The following MYH11 variants were observed in gnomAD, a reference collection of about 807,000 sequenced individuals.
MYH11 encodes the protein myosin-11.
In MYH11, 80 loss-of-function variants were observed where a neutral mutation model predicts 246.6. The ratio of observed to expected loss-of-function variants is 0.32; its 90% CI spans 0.27 to 0.39. MYH11 has a LOEUF of 0.39. MYH11 is among the 10% of genes least tolerant of loss of function. MYH11 has a pLI of 1.00. For synonymous variants in MYH11, 1,071 were observed against 1,015.5 expected, an observed-to-expected ratio of 1.05 and a Z score of -1.04; for missense variants, 2,158 against 2,546.8, an observed-to-expected ratio of 0.85 and a Z score of 3.29.
At chr16:15,786,872 G>A in intron 4 of MYH11, 140 bp from the exon 5 acceptor site, 1 of 824,280 alleles carries the variant, frequency 1.2e-6, no homozygotes, top group Non-Finnish European at 2.1e-6. Context: ...GAAGTAACTT[G>A]CCCAAGGCCA....
rs569200538 is a variant in MYH11, at chr16:15,759,000, T to G, written c.1401+576A>C. 5.2e-4 allele frequency among the ~76,000 whole-genome samples: 79 copies of G among 151,144 alleles called. 1 individual carries two copies. The South Asian group carries it at 0.012, about 23-fold the overall frequency. ...AACAAGACAAGACAAAAAAAAAACC[T>G]TCCCTTTCTCTGAGAACTTTCTTCA... is the stretch of plus-strand genomic sequence containing the variant. On this transcript the variant is annotated intron_variant, in intron 12 of 40. Transcript: ENST00000300036.
At chr16:15,851,203 A>T (rs2044320078) in intron 1 of MYH11, among the ~76,000 whole-genome samples, 1 of 152,170 alleles carries the variant, frequency 6.6e-6, no homozygotes, top group Non-Finnish European at 1.5e-5. Flanking sequence ...GTAGGGAGGC[A>T]TCAAATGTGT....
intron 34 of MYH11, 105 bp downstream of exon 34, chr16:15,720,046 G>A: frequency 6.9e-7 from 1 of 1,453,392 alleles, no homozygotes. Flanking sequence ...CCACACCAAT[G>A]GCAGGTGCAG....
intron 3 of MYH11, among the ~76,000 whole-genome samples, chr16:15,799,959 G>A (rs1398952433): frequency 6.6e-6 from 1 of 151,734 alleles, no homozygotes; most frequent in African/African-American, 2.4e-5. Flanking sequence ...TGGACGGAAG[G>A]AAGGAAGAAA....
chr16:15,772,160 C>T (rs1373105602), intron 8 of MYH11, among the ~76,000 whole-genome samples: 1 of 138,522 alleles, frequency 7.2e-6, no homozygotes, highest in African/African-American at 2.7e-5. Flanking sequence ...GGCGCGATCT[C>T]GGCTCACTGC....
At chr16:15,731,829 G>A (rs1313368788) in intron 27 of MYH11, among the ~76,000 whole-genome samples, 3 of 151,834 alleles carry the variant, frequency 2.0e-5, no homozygotes, top group African/African-American at 4.8e-5. Flanking sequence ...TCACTGTGTC[G>A]TCCAGGCTAG....
In MYH11 at chr16:15,714,892, G is replaced by C; in HGVS notation, c.5786+17C>G. ...TGGCCTGAGAGACGGGGTCCTCCCG[G>C]GCCACGGGCTCCTCACCTGAGCTTG... On this transcript the variant is annotated intron_variant, in intron 40 of 40. Transcript: ENST00000300036. 6.2e-7 allele frequency: 1 copy of C among 1,612,776 alleles called. No individual in the cohort carries two copies. Among genetic ancestry groups the C allele is most frequent in the East Asian group, 2.2e-5 (1 of 44,880 alleles).
intron 2 of MYH11, among the ~76,000 whole-genome samples, chr16:15,834,959 G>T (rs2043853202): frequency 6.8e-6 from 1 of 147,136 alleles, no homozygotes; most frequent in Admixed American, 6.9e-5. Flanking sequence ...GCACACCTGT[G>T]GTCCACAGCT....
intron 40 of MYH11, among the ~76,000 whole-genome samples, chr16:15,712,492 A>G (rs533848995): frequency 8.1e-4 from 123 of 152,248 alleles, no homozygotes; most frequent in Non-Finnish European, 1.3e-3. Context: ...TACTAAAAAT[A>G]TAAAAATAGG....
chr16:15,788,258 T>C (rs1417105751), intron 4 of MYH11, among the ~76,000 whole-genome samples: 2 of 151,806 alleles, frequency 1.3e-5, no homozygotes, highest in East Asian at 3.9e-4. Flanking sequence ...TCTTCTATTT[T>C]TCAGTTTACT....
chr16:15,718,210 C>T lies in MYH11; in HGVS notation c.5295+105G>A, dbSNP rs1596708716. The stretch of plus-strand genomic sequence containing the variant: ...CCCACCACCCTCTTGTCCCTCAATC[C>T]AGGGCCTGCACACAGGAAGCCGCCA... On this transcript the variant is annotated intron_variant, in intron 37 of 40. Transcript: ENST00000300036. 1.6e-5 allele frequency: 25 copies of T among 1,573,458 alleles called. 1 individual carries two copies. Among genetic ancestry groups the T allele is most frequent in the Non-Finnish European group, 2.6e-6 (3 of 1,158,958 alleles).
chr16:15,832,918 C>A, intron 2 of MYH11, among the ~76,000 whole-genome samples: 1 of 139,404 alleles, frequency 7.2e-6, no homozygotes, highest in Admixed American at 7.4e-5. Flanking sequence ...TGGGACTAAG[C>A]ACATCTGAGC....
intron 1 of MYH11, among the ~76,000 whole-genome samples, chr16:15,840,339 A>G (rs2044021926): frequency 6.6e-6 from 1 of 152,218 alleles, no homozygotes; most frequent in African/African-American, 2.4e-5. Flanking sequence ...GTCATTATAT[A>G]GGAAGTAGCA....
intron 13 of MYH11, among the ~76,000 whole-genome samples, chr16:15,756,821 A>C (rs1036507171): frequency 7.9e-6 from 1 of 127,048 alleles, no homozygotes; most frequent in Non-Finnish European, 1.6e-5. Flanking sequence ...TTTTTGAGAC[A>C]GAGTTTTGCC....
chr16:15,851,794 A>G (rs902986586), intron 1 of MYH11, among the ~76,000 whole-genome samples: 8 of 151,808 alleles, frequency 5.3e-5, no homozygotes, highest in African/African-American at 1.7e-4. Context: ...GCATAACACT[A>G]TTTTTTCCTC....
Position 15,735,563 on chromosome 16 carries a change from G to A in MYH11, c.3309C>T (p.Ile1103=), listed in dbSNP as rs370854451. 60 of 1,614,186 alleles carry A rather than the reference G, an allele frequency of 3.7e-5. No individual in the cohort carries two copies. In the African/African-American group the frequency reaches 5.1e-4, roughly 14 times the overall value. Residue 1103 remains isoleucine (I), a synonymous_variant, in exon 26 of 41, where the codon ATC becomes ATT. Transcript: ENST00000300036. The part of the protein sequence containing the change: ...QAALARLDDE[I]AQKNNALKKI... ...TCTTCAGGGCATTGTTCTTCTGAGC[G>A]ATTTCATCGTCAAGCCTTCCAGGGA...
chr16:15,828,476 A>T (rs566586394), intron 2 of MYH11, among the ~76,000 whole-genome samples: 1 of 152,114 alleles, frequency 6.6e-6, no homozygotes, highest in African/African-American at 2.4e-5. Context: ...TGACCCACAC[A>T]CTACTGTATC....
chr16:15,804,143 C>T (rs1364250969), intron 3 of MYH11, among the ~76,000 whole-genome samples: 2 of 152,202 alleles, frequency 1.3e-5, no homozygotes, highest in Non-Finnish European at 2.9e-5. Flanking sequence ...CACCCACCAC[C>T]ACTTCTTCTC....
At chr16:15,745,942 G>A (rs900218839) in intron 19 of MYH11, among the ~76,000 whole-genome samples, 2 of 151,572 alleles carry the variant, frequency 1.3e-5, no homozygotes, top group East Asian at 3.9e-4. Context: ...TCAGAGACAG[G>A]GTCTGGCTCT....
Sources: allele counts gnomAD v4.1 joint callset (sites outside exome capture counted in the v4.1 genomes callset), GRCh38; gene constraint gnomAD v4.1.1; transcripts MANE v1.5; gene names NCBI Gene and HGNC (gene_info 2026-07-23, HGNC 2026-07-21).